The following RAB4A variants were observed in gnomAD, a reference collection of about 807,000 sequenced individuals.
RAB4A encodes the protein ras-related protein Rab-4A.
In RAB4A, 20 loss-of-function variants were observed where a neutral mutation model predicts 34.5. The ratio of observed to expected loss-of-function variants is 0.58; its 90% CI spans 0.41 to 0.84. The LOEUF is 0.84. Among genes scored for constraint, RAB4A ranks in the 40% least tolerant of loss-of-function variants. The probability of loss-of-function intolerance (pLI) is 0.00; values close to 1 mark genes in which losing one functional copy is unlikely to be tolerated. For missense variants in RAB4A, 228 were observed against 274.5 expected, an observed-to-expected ratio of 0.83 and a Z score of 1.20; for synonymous variants, 102 against 100.0, an observed-to-expected ratio of 1.02 and a Z score of -0.12.
chr1:229,271,512 C>A, intron 1 of RAB4A, 142 bp downstream of exon 1: 2 of 671,950 alleles, frequency 3.0e-6, no homozygotes, highest in Non-Finnish European at 3.8e-6. Context: ...GGTGTCTGGG[C>A]TTGGGACCGG....
intron 1 of RAB4A, among the ~76,000 whole-genome samples, chr1:229,282,959 T>C (rs1177583011): frequency 6.6e-6 from 1 of 152,264 alleles, no homozygotes; most frequent in Non-Finnish European, 1.5e-5. Flanking sequence ...TTACCTTTTT[T>C]CGTTCAGTTT....
chr1:229,287,121 A>T (rs1486505299), intron 2 of RAB4A, among the ~76,000 whole-genome samples: 1 of 152,234 alleles, frequency 6.6e-6, no homozygotes. Context: ...CCCTTAAAAC[A>T]AAAAATGCTT....
intron 6 of RAB4A, among the ~76,000 whole-genome samples, chr1:229,301,819 C>T (rs1657392260): frequency 6.6e-6 from 1 of 151,708 alleles, no homozygotes; most frequent in Non-Finnish European, 1.5e-5. Context: ...ATTGTATAAC[C>T]TACAAATCAT....
chr1:229,302,282 T>C (rs1326402998), intron 6 of RAB4A, among the ~76,000 whole-genome samples: 2 of 19,372 alleles, frequency 1.0e-4, no homozygotes, highest in South Asian at 1.3e-3. Context: ...TATATATATA[T>C]ATATATATAT....
intron 3 of RAB4A, among the ~76,000 whole-genome samples, chr1:229,290,031 T>C (rs1250570964): frequency 1.3e-5 from 2 of 152,118 alleles, no homozygotes; most frequent in African/African-American, 4.8e-5. Context: ...CAATTATGAT[T>C]GAGAGATTTC....
At chr1:229,288,926 ACTCC>A in intron 3 of RAB4A, 83 bp downstream of exon 3, 3 of 833,494 alleles carry the variant, frequency 3.6e-6, no homozygotes, top group Non-Finnish European at 5.8e-6. Context: ...ATAAGGTCTC[ACTCC>A]CTCCCCAACA....
chr1:229,282,559 C>T (rs1285946091), intron 1 of RAB4A, among the ~76,000 whole-genome samples: 1 of 152,142 alleles, frequency 6.6e-6, no homozygotes, highest in East Asian at 1.9e-4. Context: ...TCCAGGACTC[C>T]AGTGACATGA....
intron 1 of RAB4A, among the ~76,000 whole-genome samples, chr1:229,279,711 C>T (rs1656734009): frequency 6.6e-6 from 1 of 152,130 alleles, no homozygotes; most frequent in Non-Finnish European, 1.5e-5. Flanking sequence ...TCTCATTTGA[C>T]TTTTCTCATA....
At chr1:229,272,613 C>A (rs929953308) in intron 1 of RAB4A, among the ~76,000 whole-genome samples, 2 of 152,098 alleles carry the variant, frequency 1.3e-5, no homozygotes, top group Admixed American at 6.5e-5. Flanking sequence ...AGGCATTAAC[C>A]AGGCAGCACG....
chr1:229,276,292 C>T lies in RAB4A; in HGVS notation c.31+4922C>T, dbSNP rs539370480. On this transcript the variant is annotated intron_variant, in intron 1 of 7. Transcript: ENST00000366690. Reference sequence around the variant, plus strand: ...ATCGGCATCTGACCAGCTCCCGGGCCGTGCAGGTGCTGTTGGTCCAGGGAG... The same window carrying T: ...ATCGGCATCTGACCAGCTCCCGGGCTGTGCAGGTGCTGTTGGTCCAGGGAG... 2.1e-4 allele frequency among the ~76,000 whole-genome samples: 32 copies of T among 151,354 alleles called. No homozygotes were observed. The East Asian group carries it at 4.1e-3, about 19-fold the overall frequency.
chr1:229,284,094 GTTTTTTTTTTT>G (rs773213321), intron 1 of RAB4A, among the ~76,000 whole-genome samples: 2 of 45,904 alleles, frequency 4.4e-5, no homozygotes, highest in African/African-American at 2.0e-4. Flanking sequence ...GTGTTGTTTG[GTTTTTTTTTTT>G]TTTTTTTTTT....
chr1:229,271,347 A>G lies in RAB4A; in HGVS notation c.8A>G (p.Gln3Arg), dbSNP rs369909116. The change falls in exon 1 of 8, where the codon CAG (glutamine) becomes CGG (arginine). Residue 3 changes from glutamine (Q) to arginine (R), a missense_variant. By Grantham distance (43) the Gln-to-Arg change is conservative (BLOSUM62 1). Transcript: ENST00000366690. ...GGCGGCGCCGCTCCCAAGATGTCGC[A>G]GACGGCCATGTCCGAAACCTACGGT... MS[Q>R]TAMSETYDFL... 7.7e-6 allele frequency: 10 copies of G among 1,298,058 alleles called. No homozygotes were observed. The East Asian group carries it at 2.9e-4, about 37-fold the overall frequency. The allele number at this position is 1,298,058 out of a possible 1,614,324, so 80.4% of individuals were successfully genotyped here.
At chr1:229,297,445 A>T in intron 4 of RAB4A, 37 bp from the exon 5 acceptor site, 1 of 1,553,750 alleles carries the variant, frequency 6.4e-7, no homozygotes. Flanking sequence ...AGTTTTATAA[A>T]ATACATGTAT....
At chr1:229,302,828 G>C (rs766951646) in intron 6 of RAB4A, 34 bp from the exon 7 acceptor site, 2 of 1,436,472 alleles carry the variant, frequency 1.4e-6, no homozygotes, top group Non-Finnish European at 9.6e-7. Context: ...AAACATAAAA[G>C]CCTTTTTTAA....
chr1:229,278,462 C>T lies in RAB4A; in HGVS notation c.31+7092C>T, dbSNP rs140585576. ...TTAAACCTTCACACATCTCCTCAAG[C>T]CCATTCTCTCACTCCTAGTAGATGA... On this transcript the variant is annotated intron_variant, in intron 1 of 7. Coordinates refer to ENST00000366690, the MANE Select transcript of RAB4A (RefSeq NM_004578.4). 6.8e-4 allele frequency among the ~76,000 whole-genome samples: 104 copies of T among 152,282 alleles called. 1 individual carries two copies. The highest frequency in any genetic ancestry group is 2.4e-3 in the African/African-American group (100 of 41,552).
At position 229,305,536 on chromosome 1, in the gene RAB4A, A is replaced by G. The variant is rs896061474; in HGVS notation, c.*1743A>G. On this transcript the variant is annotated 3_prime_UTR_variant, in exon 8 of 8. Coordinates refer to ENST00000366690, the MANE Select transcript of RAB4A (RefSeq NM_004578.4). ...TGGTTCTTAATCAGGCTTTGCCTTT[A>G]GGGAGAATGAGGAGGAGAGATAATT... is the stretch of plus-strand genomic sequence containing the variant. The G allele has an allele frequency of 2.0e-5, 7 of 341,806 alleles. No individual in the cohort carries two copies. The highest frequency in any genetic ancestry group is 1.5e-4 in the African/African-American group (7 of 47,090). 21.2% of individuals were successfully genotyped at this position (341,806 alleles called of 1,614,324 possible).
At position 229,305,370 on chromosome 1, in the gene RAB4A, C is replaced by T. The variant is rs759706768; in HGVS notation, c.*1577C>T. On this transcript the variant is annotated 3_prime_UTR_variant, in exon 8 of 8. Transcript: ENST00000366690. Reference sequence around the variant, plus strand: ...TAGGAGCATGTCTATTCTAACACATCAGCTTATTCAAAAGCAAGAATTTTA... The same window carrying T: ...TAGGAGCATGTCTATTCTAACACATTAGCTTATTCAAAAGCAAGAATTTTA... 3.9e-6 allele frequency: 5 copies of T among 1,276,774 alleles called. No homozygotes were observed. Among genetic ancestry groups the T allele is most frequent in the Non-Finnish European group, 5.3e-6 (5 of 948,750 alleles). 79.1% of individuals were successfully genotyped at this position (1,276,774 alleles called of 1,614,324 possible). A position where few individuals can be genotyped will look rare whatever the true frequency, so the allele number is the denominator to read the frequency against.
At chr1:229,296,190 C>T (rs1198817219) in intron 4 of RAB4A, among the ~76,000 whole-genome samples, 2 of 152,216 alleles carry the variant, frequency 1.3e-5, no homozygotes, top group Non-Finnish European at 2.9e-5. Flanking sequence ...GATGCTTGGA[C>T]ACTTTCCTTA....
rs911036515 is a variant in RAB4A at position 229,271,193 on chromosome 1, C to G, written c.-147C>G. 3.8e-6 allele frequency: 3 copies of G among 781,784 alleles called. No individual in the cohort carries two copies. The highest frequency in any genetic ancestry group is 5.2e-6 in the Non-Finnish European group (3 of 582,000). The allele number at this position is 781,784 out of a possible 1,614,324, so 48.4% of individuals were successfully genotyped here. A position where few individuals can be genotyped will look rare whatever the true frequency, so the allele number is the denominator to read the frequency against. The stretch of plus-strand genomic sequence containing the variant: ...AGCTGGAGTCCGGCTGGGCCGCAGC[C>G]GCTGGGAGACCGGCGGTTGCCGTGG... On this transcript the variant is annotated 5_prime_UTR_variant, in exon 1 of 8. Coordinates refer to ENST00000366690, the MANE Select transcript of RAB4A (RefSeq NM_004578.4).
Sources: allele counts gnomAD v4.1 joint callset (sites outside exome capture counted in the v4.1 genomes callset), GRCh38; gene constraint gnomAD v4.1.1; transcripts MANE v1.5; gene names NCBI Gene and HGNC (gene_info 2026-07-23, HGNC 2026-07-21).